The following TMED3 variants were observed in gnomAD, a reference collection of about 807,000 sequenced individuals.
TMED3 encodes the protein transmembrane emp24 domain-containing protein 3.
A neutral mutation model predicts 15.0 loss-of-function variants in TMED3; 9 were observed. The ratio of observed to expected loss-of-function variants is 0.60; its 90% confidence interval spans 0.36 to 1.04. The LOEUF is 1.04. TMED3 is among the 50% of genes least tolerant of loss of function. TMED3 has a pLI of 0.01. For synonymous variants in TMED3, 117 were observed against 121.4 expected, an observed-to-expected ratio of 0.96 and a Z score of 0.24; for missense variants, 267 against 278.9, an observed-to-expected ratio of 0.96 and a Z score of 0.30.
chr15:79,338,109 A>T (rs1259227850), intron 2 of TMED3, among the ~76,000 whole-genome samples: 2 of 152,262 alleles, frequency 1.3e-5, no homozygotes, highest in Non-Finnish European at 2.9e-5. Flanking sequence ...TGTATAGCTC[A>T]TGGGAAAAAT....
intron 2 of TMED3, among the ~76,000 whole-genome samples, chr15:79,407,850 C>T (rs1191771909): frequency 6.6e-6 from 1 of 152,174 alleles, no homozygotes; most frequent in Non-Finnish European, 1.5e-5. Context: ...TTTATGCTAT[C>T]TGTCTAAGAA....
intron 2 of TMED3, among the ~76,000 whole-genome samples, chr15:79,339,242 C>T (rs916321403): frequency 6.6e-6 from 1 of 152,212 alleles, no homozygotes; most frequent in Non-Finnish European, 1.5e-5. Context: ...CATGGCCTTA[C>T]CTATCATTGG....
intron 2 of TMED3, among the ~76,000 whole-genome samples, chr15:79,328,472 T>C (rs925113): frequency 2.0e-5 from 3 of 152,114 alleles, no homozygotes; most frequent in East Asian, 1.9e-4. Flanking sequence ...CTAAAGCCTG[T>C]GTGGGCTGCA....
At chr15:79,364,272 A>G (rs948455504) in intron 2 of TMED3, among the ~76,000 whole-genome samples, 3 of 152,142 alleles carry the variant, frequency 2.0e-5, no homozygotes, top group African/African-American at 7.2e-5. Flanking sequence ...GTGGGCTCTT[A>G]GTCCCCTGCG....
chr15:79,354,851 G>A (rs889753434), intron 2 of TMED3, among the ~76,000 whole-genome samples: 13 of 152,182 alleles, frequency 8.5e-5, no homozygotes, highest in African/African-American at 2.6e-4. Context: ...CCCCCATTCC[G>A]TTTTTAGCTT....
At position 79,321,987 on chromosome 15, in the gene TMED3, G is replaced by A. The variant is rs148365081; in HGVS notation, c.427G>A (p.Ala143Thr). 1.4e-5 allele frequency: 22 copies of A among 1,613,914 alleles called. No homozygotes were observed. The highest frequency in any genetic ancestry group is 2.7e-5 in the African/African-American group (2 of 74,918). ...TTCTCTTCCTGCCCAGATGGAGTCC[G>A]CCTGCGTGACCATCCATGAGGCTCT... ...RVTALTQMESACVTIHEALKT... is the reference protein window; with the variant it reads ...RVTALTQMESTCVTIHEALKT... Residue 143 changes from alanine (A) to threonine (T), a missense_variant, in exon 3 of 3, where the codon GCC becomes ACC. Ala to Thr is a moderately conservative substitution (Grantham distance 58, BLOSUM62 0). Transcript: ENST00000299705.
intron 2 of TMED3, among the ~76,000 whole-genome samples, chr15:79,350,397 G>A (rs563249742): frequency 5.3e-5 from 8 of 152,308 alleles, no homozygotes; most frequent in African/African-American, 1.7e-4. Context: ...AAGTAGGGAA[G>A]CCAACAGTGC....
chr15:79,324,871 C>T (rs2058781883), downstream of TMED3, among the ~76,000 whole-genome samples: 2 of 152,238 alleles, frequency 1.3e-5, no homozygotes, highest in Non-Finnish European at 2.9e-5. Flanking sequence ...CTATGTGCTA[C>T]TTGTGCCATC....
intron 2 of TMED3, among the ~76,000 whole-genome samples, chr15:79,345,929 G>A (rs901655227): frequency 1.3e-5 from 2 of 152,102 alleles, no homozygotes. Flanking sequence ...TTATAAGATT[G>A]TTGGCCACGT....
intron 2 of TMED3, among the ~76,000 whole-genome samples, chr15:79,394,726 A>G (rs1208020983): frequency 1.3e-5 from 2 of 152,234 alleles, no homozygotes; most frequent in Non-Finnish European, 2.9e-5. Flanking sequence ...CTAAGAATAG[A>G]GAATAATATC....
At chr15:79,412,692 C>G (rs546372084) in exon 3 of TMED3, 1 of 152,606 alleles carries the variant, frequency 6.6e-6, no homozygotes, top group African/African-American at 2.4e-5. Flanking sequence ...CCCCTAGCAC[C>G]CTGCCATAGC....
At chr15:79,316,824 C>T (rs1440115289) in intron 2 of TMED3, among the ~76,000 whole-genome samples, 1 of 152,062 alleles carries the variant, frequency 6.6e-6, no homozygotes, top group African/African-American at 2.4e-5. Flanking sequence ...AAAACAGGAC[C>T]CTGAAAACAG....
At chr15:79,400,112 A>C (rs1403958494) in intron 2 of TMED3, among the ~76,000 whole-genome samples, 1 of 152,158 alleles carries the variant, frequency 6.6e-6, no homozygotes, top group East Asian at 1.9e-4. Context: ...GACCCGTCGA[A>C]CTTGTCATGC....
rs550668405 is a variant in TMED3, at chr15:79,402,592, A to T, written c.418-8808A>T. On this transcript the variant is annotated intron_variant, in intron 2 of 2. Transcript: ENST00000424155. ...CAGGGGTTCAAGACCAAACTGGCCA[A>T]GATGGTGAAACCCCGTCTTTACTAA... Among the ~76,000 whole-genome samples the T allele has an allele frequency of 2.0e-5, 3 of 152,010 alleles. No homozygotes were observed. The South Asian group carries it at 6.2e-4, about 32-fold the overall frequency.
chr15:79,337,379 C>T (rs899467464), intron 2 of TMED3, among the ~76,000 whole-genome samples: 3 of 152,056 alleles, frequency 2.0e-5, no homozygotes, highest in African/African-American at 7.2e-5. Context: ...AGCCTTATCT[C>T]CAAATATAGT....
chr15:79,320,091 G>A (rs940698763), intron 2 of TMED3, among the ~76,000 whole-genome samples: 12 of 152,180 alleles, frequency 7.9e-5, no homozygotes, highest in Admixed American at 2.0e-4. Context: ...GCTAAGTAGC[G>A]GGTGTTTTTC....
intron 2 of TMED3, among the ~76,000 whole-genome samples, chr15:79,364,600 C>T (rs1273490288): frequency 6.6e-6 from 1 of 151,748 alleles, no homozygotes; most frequent in Non-Finnish European, 1.5e-5. Flanking sequence ...AAACCCTGAA[C>T]CCCAGGTTCC....
At chr15:79,385,478 G>A (rs1357442960) in intron 2 of TMED3, among the ~76,000 whole-genome samples, 1 of 152,198 alleles carries the variant, frequency 6.6e-6, no homozygotes, top group Non-Finnish European at 1.5e-5. Flanking sequence ...TACTTTGTGA[G>A]GTGCTGCACC....
intron 1 of TMED3, 49 bp downstream of exon 1, chr15:79,311,466 C>G: frequency 1.3e-6 from 2 of 1,557,570 alleles, no homozygotes; most frequent in African/African-American, 1.4e-5. Flanking sequence ...ACTCCCAGGT[C>G]TCACCTGGAC....
Sources: gnomAD v4.1 joint callset for allele counts (sites outside exome capture counted in the v4.1 genomes callset) on GRCh38, gnomAD v4.1.1 for gene constraint, MANE v1.5 for transcripts, NCBI Gene and HGNC (gene_info 2026-07-23, HGNC 2026-07-21) for gene names.